Variants in NR2F6 observed in about 807,000 individuals in gnomAD.
The protein encoded by NR2F6 is ERBA-related gene-2.
A neutral mutation model predicts 26.5 loss-of-function variants in NR2F6; 16 were observed. The observed-to-expected ratio is 0.60, with a 90% CI of 0.41 to 0.92. NR2F6 has a LOEUF of 0.92. Ranked by LOEUF, NR2F6 falls within the 40% of genes least tolerant of loss-of-function variation. NR2F6 has a pLI of 0.00. For synonymous variants in NR2F6, 325 were observed against 305.0 expected (o/e 1.07, Z -0.68); for missense variants, 536 against 631.7 (o/e 0.85, Z 1.62).
Position 17,245,757 on chromosome 19 carries a change from T to C in NR2F6, c.-537A>G, listed in dbSNP as rs1213358565. ...CCCTGGGTCCCCCGGCGCCCGCGGC[T>C]GCCGCTCCGGGCCTGCAGGGCCGCT... On this transcript the variant is annotated 5_prime_UTR_variant, in exon 1 of 4. Transcript: ENST00000291442. This position sits in a 1 kb window ranked among gnomAD's most constrained non-coding sequence, Gnocchi z 5.0. The C allele has an allele frequency of 6.9e-6, 1 of 145,064 alleles. No individual in the cohort carries two copies. Among genetic ancestry groups the C allele is most frequent in the East Asian group, 2.0e-4 (1 of 4,980 alleles). The allele number at this position is 145,064 out of a possible 1,614,324, so 9.0% of individuals were successfully genotyped here. A position where few individuals can be genotyped will look rare whatever the true frequency, so the allele number is the denominator to read the frequency against.
rs1158836042 is a variant in NR2F6 at position 17,245,890 on chromosome 19, C to G, written c.-670G>C. On this transcript the variant is annotated 5_prime_UTR_variant, in exon 1 of 4. Transcript: ENST00000291442. This position sits in a 1 kb window ranked among gnomAD's most constrained non-coding sequence, Gnocchi z 5.0. Reference sequence around the variant, plus strand: ...TCGCCGCCGCCACCGCCACCGACCCCGCGCGCCGGCCTCGCGCTGCGGCCG... The same window carrying G: ...TCGCCGCCGCCACCGCCACCGACCCGGCGCGCCGGCCTCGCGCTGCGGCCG... 3 of 146,756 alleles carry G rather than the reference C, an allele frequency of 2.0e-5. No individual in the cohort carries two copies. Among genetic ancestry groups the G allele is most frequent in the East Asian group, 4.0e-4 (2 of 5,048 alleles). The allele number at this position is 146,756 out of a possible 1,614,324, so 9.1% of individuals were successfully genotyped here. A position where few individuals can be genotyped will look rare whatever the true frequency, so the allele number is the denominator to read the frequency against.
At chr19:17,236,974 G>A (rs368537785) in intron 2 of NR2F6, among the ~76,000 whole-genome samples, 7 of 152,360 alleles carry the variant, frequency 4.6e-5, no homozygotes, top group South Asian at 4.1e-4. Context: ...GGCTTGTGCC[G>A]GGGTGGGCGG....
intron 2 of NR2F6, among the ~76,000 whole-genome samples, chr19:17,237,957 T>C (rs924715173): frequency 2.6e-5 from 4 of 152,010 alleles, no homozygotes; most frequent in African/African-American, 9.7e-5. Context: ...CTGGGCAACA[T>C]AGCGAGACCC....
At chr19:17,234,284 G>T (rs764928307) in intron 3 of NR2F6, among the ~76,000 whole-genome samples, 1 of 151,174 alleles carries the variant, frequency 6.6e-6, no homozygotes, top group Non-Finnish European at 1.5e-5. Flanking sequence ...ATTGATTTTT[G>T]AGACGCGGTC....
At chr19:17,239,511 G>T (rs772191799) in intron 2 of NR2F6, among the ~76,000 whole-genome samples, 5 of 151,936 alleles carry the variant, frequency 3.3e-5, no homozygotes, top group Non-Finnish European at 7.4e-5. Context: ...AAAAATATCC[G>T]GGCGAGATGG....
intron 3 of NR2F6, among the ~76,000 whole-genome samples, chr19:17,233,880 TGA>T (rs2073421479): frequency 6.6e-6 from 1 of 151,868 alleles, no homozygotes; most frequent in African/African-American, 2.4e-5. Flanking sequence ...GCCTACGGTG[TGA>T]GAGAATGTGG....
At chr19:17,243,385 T>C (rs960831031) in intron 1 of NR2F6, among the ~76,000 whole-genome samples, 1 of 152,090 alleles carries the variant, frequency 6.6e-6, no homozygotes, top group Non-Finnish European at 1.5e-5. Context: ...CTCAATCCAT[T>C]TGAAGCTCAG....
rs575451053 is a variant in NR2F6 at position 17,235,686 on chromosome 19, C to T, written c.753G>A (p.Ala251=). The change falls in exon 3 of 4, where the codon GCG becomes GCA. Residue 251 remains alanine, a synonymous_variant. Coordinates refer to ENST00000291442, the MANE Select transcript of NR2F6 (RefSeq NM_005234.4). This position sits in a 1 kb window ranked among gnomAD's most constrained non-coding sequence, Gnocchi z 5.0. ...ELFVLNAAQA[A]LPLHTAPLLA... ...GTAGCGGCGCCGTGTGCAGGGGCAGCGCCGCCTGCGCCGCGTTCAGCACGA... is the reference window on the plus strand; with the variant it reads ...GTAGCGGCGCCGTGTGCAGGGGCAGTGCCGCCTGCGCCGCGTTCAGCACGA... 1 of 1,490,262 alleles carries T rather than the reference C, an allele frequency of 6.7e-7. No homozygotes were observed. Among genetic ancestry groups the T allele is most frequent in the Non-Finnish European group, 8.8e-7 (1 of 1,130,520 alleles). 92.3% of individuals were successfully genotyped at this position (1,490,262 alleles called of 1,614,324 possible).
In NR2F6 at chr19:17,232,480, CCG is replaced by C; in HGVS notation, c.1085_1086del (p.Ala362GlyfsTer21). The C allele has an allele frequency of 6.2e-7, 1 of 1,613,206 alleles. No individual in the cohort carries two copies. Among genetic ancestry groups the C allele is most frequent in the South Asian group, 1.1e-5 (1 of 91,064 alleles). On this transcript the variant is annotated frameshift_variant, in exon 4 of 4. Transcript: ENST00000291442. LOFTEE classifies it high-confidence loss of function. The stretch of plus-strand genomic sequence containing the variant: ...AGCTGGGAGATGAGGGAGGCAGGGA[CCG>C]CGCGCAGGGCGGGGAGCCGCAGCAG... Reference protein sequence around the residue: ...RLLLRLPALRAVPASLISQLF... With the variant: ...RLLLRLPALRXVPASLISQLF...
chr19:17,239,231 G>A (rs1423498499), intron 2 of NR2F6, among the ~76,000 whole-genome samples: 1 of 152,084 alleles, frequency 6.6e-6, no homozygotes, highest in African/African-American at 2.4e-5. Context: ...CAGCTACTCA[G>A]GAGGCTGAGG....
rs368319089 is a variant in NR2F6 at position 17,232,446 on chromosome 19, A to G, written c.1121T>C (p.Met374Thr). ...PASLISQLFF[M>T]RLVGKTPIET... ...AATGGGCGTCTTCCCCACCAGGCGC[A>G]TGAAGAACAGCTGGGAGATGAGGGA... The change falls in exon 4 of 4, where the codon ATG (methionine) becomes ACG (threonine). Residue 374 changes from methionine to threonine, a missense_variant. Coordinates refer to ENST00000291442, the MANE Select transcript of NR2F6 (RefSeq NM_005234.4). 28 of 1,613,996 alleles carry G rather than the reference A, an allele frequency of 1.7e-5. No individual in the cohort carries two copies. The African/African-American group carries it at 3.7e-4, about 22-fold the overall frequency.
chr19:17,240,639 T>C, intron 2 of NR2F6, 32 bp downstream of exon 2: 1 of 1,607,372 alleles, frequency 6.2e-7, no homozygotes, highest in African/African-American at 1.3e-5. Context: ...GCGGCTGTGA[T>C]CGTCCCCAGT....
intron 2 of NR2F6, among the ~76,000 whole-genome samples, chr19:17,239,844 A>G (rs746805600): frequency 3.3e-5 from 5 of 152,026 alleles, no homozygotes; most frequent in Admixed American, 6.6e-5. Flanking sequence ...TAAATAAAGA[A>G]AATAAGGAAA....
Position 17,232,254 on chromosome 19 carries a change from G to A in NR2F6, c.*98C>T, listed in dbSNP as rs543462387. ...AATAGAAGTCTGAGGAGAGAAGCCA[G>A]AGTCCTGGGCCCCGGGAGGCCCCTC... On this transcript the variant is annotated 3_prime_UTR_variant, in exon 4 of 4. Transcript: ENST00000291442. 2.7e-6 allele frequency: 4 copies of A among 1,496,798 alleles called. No individual in the cohort carries two copies. Among genetic ancestry groups the A allele is most frequent in the Non-Finnish European group, 3.6e-6 (4 of 1,107,374 alleles). The allele number at this position is 1,496,798 out of a possible 1,614,324, so 92.7% of individuals were successfully genotyped here. A position where few individuals can be genotyped will look rare whatever the true frequency, so the allele number is the denominator to read the frequency against.
At chr19:17,239,153 A>G (rs2073455483) in intron 2 of NR2F6, among the ~76,000 whole-genome samples, 2 of 151,878 alleles carry the variant, frequency 1.3e-5, no homozygotes, top group Admixed American at 1.3e-4. Context: ...CCTGGCCAAC[A>G]TAGTGAAACT....
Position 17,235,240 on chromosome 19 carries a change from G to A in NR2F6, c.940+259C>T, listed in dbSNP as rs1015067330. On this transcript the variant is annotated intron_variant, in intron 3 of 3. Transcript: ENST00000291442. This position sits in a 1 kb window ranked among gnomAD's most constrained non-coding sequence, Gnocchi z 5.0. The stretch of plus-strand genomic sequence containing the variant: ...GTTCTGGGGTCTGGGCCCTGGTCCT[G>A]GCCCAGCCTTGGGTCTGGGGTCCGG... Among the ~76,000 whole-genome samples the A allele has an allele frequency of 6.6e-6, 1 of 152,224 alleles. No individual in the cohort carries two copies. The highest frequency in any genetic ancestry group is 6.5e-5 in the Admixed American group (1 of 15,284).
chr19:17,238,252 G>T (rs556784235), intron 2 of NR2F6, among the ~76,000 whole-genome samples: 74 of 152,312 alleles, frequency 4.9e-4, no homozygotes, highest in South Asian at 1.2e-3. Flanking sequence ...AACACCTACT[G>T]TGTACCAAGC....
chr19:17,242,624 A>C (rs1327029198), intron 1 of NR2F6, among the ~76,000 whole-genome samples: 1 of 152,146 alleles, frequency 6.6e-6, no homozygotes, highest in Non-Finnish European at 1.5e-5. Context: ...AAGAGGCCCC[A>C]CTAGGGCAGA....
intron 2 of NR2F6, among the ~76,000 whole-genome samples, chr19:17,238,990 C>G (rs1568317453): frequency 6.6e-6 from 1 of 151,922 alleles, no homozygotes; most frequent in Non-Finnish European, 1.5e-5. Flanking sequence ...CACCTGGGGT[C>G]AGGAGTTGGA....
Sources: allele counts gnomAD v4.1 joint callset (sites outside exome capture counted in the v4.1 genomes callset), GRCh38; gene constraint gnomAD v4.1.1; non-coding constraint Gnocchi (gnomAD v3.1); transcripts MANE v1.5; gene names NCBI Gene and HGNC (gene_info 2026-07-23, HGNC 2026-07-21).